KCNIP4: variants seen among roughly 807,000 people sequenced by gnomAD.
KCNIP4 encodes the protein potassium voltage-gated channel interacting protein 4.
KCNIP4 carries 12 observed loss-of-function variants against 34.0 expected under a neutral mutation model. The ratio of observed to expected loss-of-function variants is 0.35; its 90% CI spans 0.23 to 0.57. KCNIP4 has a LOEUF of 0.57. KCNIP4 is among the 20% of genes least tolerant of loss of function. The pLI, the probability that KCNIP4 is intolerant of heterozygous loss-of-function variation, is 0.83. For synonymous variants in KCNIP4, 124 were observed against 102.2 expected, an observed-to-expected ratio of 1.21 and a Z score of -1.29; for missense variants, 238 against 311.7, an observed-to-expected ratio of 0.76 and a Z score of 1.78.
At chr4:21,762,922 T>C in intron 1 of KCNIP4, 3 of 1,288,298 alleles carry the variant, frequency 2.3e-6, no homozygotes, top group Non-Finnish European at 3.0e-6. Context: ...AGGACTCACA[T>C]GATGATCTGA....
chr4:21,728,568 C>A (rs1251894571), intron 1 of KCNIP4, among the ~76,000 whole-genome samples: 1 of 152,176 alleles, frequency 6.6e-6, no homozygotes, highest in Non-Finnish European at 1.5e-5. Context: ...TCATGCCACA[C>A]CTCTGCTCAA....
chr4:21,326,263 A>C (rs1002865414), intron 1 of KCNIP4, among the ~76,000 whole-genome samples: 1 of 150,378 alleles, frequency 6.6e-6, no homozygotes, highest in African/African-American at 2.5e-5. Context: ...TGCTTTATAC[A>C]TCTGGGTGCT....
At chr4:20,815,445 G>A (rs913681140) in intron 3 of KCNIP4, among the ~76,000 whole-genome samples, 11 of 152,062 alleles carry the variant, frequency 7.2e-5, no homozygotes, top group Admixed American at 6.6e-5. Flanking sequence ...AGACCTAACT[G>A]ACATCAGGAA....
At chr4:21,757,217 AAGAAAG>A (rs1361405876) in intron 1 of KCNIP4, among the ~76,000 whole-genome samples, 2 of 27,386 alleles carry the variant, frequency 7.3e-5, no homozygotes, top group African/African-American at 2.9e-4. Flanking sequence ...GAAAGAAAGA[AAGAAAG>A]AAAGAAAGAA....
intron 1 of KCNIP4, among the ~76,000 whole-genome samples, chr4:21,868,153 C>T (rs189173173): frequency 1.3e-5 from 2 of 152,196 alleles, no homozygotes; most frequent in East Asian, 3.9e-4. Flanking sequence ...ATTCAGTAAC[C>T]TAAACTCACA....
At chr4:21,867,438 A>G (rs916673291) in intron 1 of KCNIP4, among the ~76,000 whole-genome samples, 3 of 152,210 alleles carry the variant, frequency 2.0e-5, no homozygotes, top group Non-Finnish European at 4.4e-5. Flanking sequence ...CAAATTCTCT[A>G]CTACTACATT....
At chr4:21,806,391 T>C (rs2109261716) in intron 1 of KCNIP4, among the ~76,000 whole-genome samples, 1 of 152,320 alleles carries the variant, frequency 6.6e-6, no homozygotes, top group East Asian at 1.9e-4. Flanking sequence ...TGACCTGTAG[T>C]TATTACATTA....
intron 1 of KCNIP4, among the ~76,000 whole-genome samples, chr4:21,000,818 A>G (rs1738065943): frequency 6.6e-6 from 1 of 152,160 alleles, no homozygotes; most frequent in African/African-American, 2.4e-5. Flanking sequence ...ATGTGCCTTG[A>G]TCATACAGAC....
At chr4:21,014,740 T>C (rs1233515693) in intron 1 of KCNIP4, among the ~76,000 whole-genome samples, 3 of 152,160 alleles carry the variant, frequency 2.0e-5, no homozygotes, top group Admixed American at 2.0e-4. Context: ...AGCATTACCA[T>C]TGACTCAGCA....
At chr4:21,706,673 G>A (rs1713294152) in intron 1 of KCNIP4, among the ~76,000 whole-genome samples, 1 of 152,130 alleles carries the variant, frequency 6.6e-6, no homozygotes, top group South Asian at 2.1e-4. Context: ...AATGACGAGT[G>A]TAGTGATTCC....
intron 1 of KCNIP4, among the ~76,000 whole-genome samples, chr4:21,043,569 C>A (rs1455212142): frequency 6.6e-6 from 1 of 151,774 alleles, no homozygotes; most frequent in Non-Finnish European, 1.5e-5. Flanking sequence ...AAACTCCTGA[C>A]CTCAAGTGAT....
chr4:21,447,578 T>C (rs940621091), intron 1 of KCNIP4, among the ~76,000 whole-genome samples: 1 of 152,160 alleles, frequency 6.6e-6, no homozygotes, highest in Non-Finnish European at 1.5e-5. Context: ...AAATCCTATA[T>C]ATACAATGTT....
chr4:20,916,100 T>G (rs369551449), intron 1 of KCNIP4, among the ~76,000 whole-genome samples: 78 of 152,292 alleles, frequency 5.1e-4, no homozygotes, highest in African/African-American at 1.7e-3. Flanking sequence ...ATGAATTAGT[T>G]CAATTTTCCA....
At chr4:21,418,510 A>C (rs10016107) in intron 1 of KCNIP4, among the ~76,000 whole-genome samples, 41,785 of 151,896 alleles carry the variant, frequency 0.28, 6,828 homozygotes, top group Non-Finnish European at 0.38. Flanking sequence ...AAAAGAAAAA[A>C]TAAATAAATA....
chr4:21,807,323 A>G lies in KCNIP4; in HGVS notation c.61+141248T>C, dbSNP rs116245597. Reference sequence around the variant, plus strand: ...CTCGTCCATGGCCTGAGGGTTGGGGACCCCTGCATTAAAAGTCCAATTCTG... The same window carrying G: ...CTCGTCCATGGCCTGAGGGTTGGGGGCCCCTGCATTAAAAGTCCAATTCTG... On this transcript the variant is annotated intron_variant, in intron 1 of 8. Coordinates refer to ENST00000382152, the MANE Select transcript of KCNIP4 (RefSeq NM_025221.6). 4.0e-3 allele frequency among the ~76,000 whole-genome samples: 611 copies of G among 152,106 alleles called. 4 individuals are homozygous for G. Among genetic ancestry groups the G allele is most frequent in the African/African-American group, 0.014 (581 of 41,478 alleles).
chr4:21,297,841 C>T (rs1763931368), intron 1 of KCNIP4, among the ~76,000 whole-genome samples: 1 of 151,888 alleles, frequency 6.6e-6, no homozygotes, highest in Non-Finnish European at 1.5e-5. Flanking sequence ...TTCTTAAATA[C>T]AATTTTTTTA....
intron 1 of KCNIP4, among the ~76,000 whole-genome samples, chr4:21,750,112 A>T (rs1472607142): frequency 6.6e-6 from 1 of 152,086 alleles, no homozygotes; most frequent in African/African-American, 2.4e-5. Context: ...AGGGATATGA[A>T]TCCTCCTTTT....
intron 1 of KCNIP4, among the ~76,000 whole-genome samples, chr4:21,688,054 T>G (rs1750947589): frequency 6.6e-6 from 1 of 152,170 alleles, no homozygotes; most frequent in African/African-American, 2.4e-5. Flanking sequence ...AATGAACACA[T>G]TAAATTACAT....
At chr4:21,361,343 T>C (rs1719200086) in intron 1 of KCNIP4, among the ~76,000 whole-genome samples, 1 of 152,096 alleles carries the variant, frequency 6.6e-6, no homozygotes, top group Non-Finnish European at 1.5e-5. Flanking sequence ...CTACCTGCAA[T>C]TACCTCAGGA....
Sources: gnomAD v4.1 joint callset for allele counts (sites outside exome capture counted in the v4.1 genomes callset) on GRCh38, gnomAD v4.1.1 for gene constraint, MANE v1.5 for transcripts, NCBI Gene and HGNC (gene_info 2026-07-23, HGNC 2026-07-21) for gene names.